APIP: variants seen among roughly 807,000 people sequenced by gnomAD.
APIP encodes APAF1 interacting protein, also known as methylthioribulose-1-phosphate dehydratase.
A neutral mutation model predicts 32.0 loss-of-function variants in APIP; 32 were observed. The observed-to-expected ratio is 1.00, with a 90% CI of 0.76 to 1.34. APIP has a LOEUF of 1.34. Among genes scored for constraint, APIP ranks in the 40% most tolerant of loss-of-function variants. APIP has a pLI of 0.00. For synonymous variants in APIP, 92 were observed against 94.8 expected (o/e 0.97, Z 0.17); for missense variants, 247 against 298.6 (o/e 0.83, Z 1.27).
chr11:34,916,064 C>T (rs1327525531), intron 1 of APIP, 164 bp downstream of exon 1: 1 of 926,004 alleles, frequency 1.1e-6, no homozygotes, highest in Non-Finnish European at 1.6e-6. Context: ...AGCCTTGCTT[C>T]CGAACGCCAA....
chr11:34,883,569 T>C (rs529130188), intron 5 of APIP, 65 bp from the exon 6 acceptor site: 52 of 1,511,084 alleles, frequency 3.4e-5, no homozygotes, highest in Non-Finnish European at 4.2e-5. Flanking sequence ...GTATACAACA[T>C]GTAATTTTTT....
intron 1 of APIP, among the ~76,000 whole-genome samples, chr11:34,908,472 T>C (rs942131868): frequency 5.9e-5 from 9 of 152,212 alleles, no homozygotes; most frequent in African/African-American, 2.2e-4. Flanking sequence ...TCTCTATGCA[T>C]CTTGGTTTTC....
intron 3 of APIP, 147 bp from the exon 4 acceptor site, chr11:34,889,016 A>G: frequency 2.6e-6 from 1 of 389,766 alleles, no homozygotes; most frequent in Non-Finnish European, 4.5e-6. Context: ...ATACATATAC[A>G]TAGAGTGCTA....
intron 1 of APIP, among the ~76,000 whole-genome samples, chr11:34,912,645 G>A (rs1451500718): frequency 1.3e-5 from 2 of 152,184 alleles, no homozygotes; most frequent in African/African-American, 2.4e-5. Context: ...CAAGCAGGCA[G>A]AAAAATGTGA....
Position 34,916,044 on chromosome 11 carries a change from G to T in APIP, c.57+184C>A. 5.4e-6 allele frequency: 4 copies of T among 743,196 alleles called. 1 individual carries two copies. In the South Asian group the frequency reaches 7.5e-5, roughly 14 times the overall value. 46.0% of individuals were successfully genotyped at this position (743,196 alleles called of 1,614,324 possible). On this transcript the variant is annotated intron_variant, in intron 1 of 6. Coordinates refer to ENST00000395787, the MANE Select transcript of APIP (RefSeq NM_015957.4). ...CCCCGCCCGAGACCACTGATCTCCT[G>T]GGGCCTCGCAGCCTTGCTTCCGAAC...
chr11:34,904,968 T>C (rs1435969968), intron 1 of APIP, among the ~76,000 whole-genome samples: 1 of 152,224 alleles, frequency 6.6e-6, no homozygotes, highest in Non-Finnish European at 1.5e-5. Context: ...TCTTGCCATT[T>C]CCACCTCTCC....
At chr11:34,902,350 A>C (rs1005535839) in intron 1 of APIP, among the ~76,000 whole-genome samples, 2 of 152,192 alleles carry the variant, frequency 1.3e-5, no homozygotes, top group Non-Finnish European at 2.9e-5. Context: ...AGTTGATGAT[A>C]TTCTGCTCTG....
Position 34,905,572 on chromosome 11 carries a change from C to T in APIP, c.58-10462G>A, listed in dbSNP as rs958639975. On this transcript the variant is annotated intron_variant, in intron 1 of 6. Coordinates refer to ENST00000395787, the MANE Select transcript of APIP (RefSeq NM_015957.4). ...ATGCCTCTCTCTGCTTTAAAAGCAG[C>T]GAGGAAGGACCATGCTTGGGAGATC... 4.6e-5 allele frequency among the ~76,000 whole-genome samples: 7 copies of T among 152,234 alleles called. No individual in the cohort carries two copies. In the East Asian group the frequency reaches 5.8e-4, roughly 13 times the overall value.
chr11:34,893,632 C>T (rs1222024354), intron 2 of APIP, among the ~76,000 whole-genome samples: 2 of 152,188 alleles, frequency 1.3e-5, no homozygotes, highest in African/African-American at 2.4e-5. Context: ...ATTTATTGAT[C>T]TACCATATGG....
intron 5 of APIP, among the ~76,000 whole-genome samples, chr11:34,884,860 G>A (rs1853035373): frequency 6.6e-6 from 1 of 151,976 alleles, no homozygotes; most frequent in Non-Finnish European, 1.5e-5. Flanking sequence ...ATTTTCAGGA[G>A]CAAAATAATT....
intron 1 of APIP, among the ~76,000 whole-genome samples, chr11:34,896,403 T>G (rs1853271827): frequency 6.6e-6 from 1 of 152,160 alleles, no homozygotes; most frequent in Non-Finnish European, 1.5e-5. Context: ...TAAAAAAGGA[T>G]GAGCTCACGT....
intron 1 of APIP, among the ~76,000 whole-genome samples, chr11:34,897,393 A>T (rs2133913298): frequency 6.6e-6 from 1 of 152,380 alleles, no homozygotes; most frequent in East Asian, 1.9e-4. Context: ...AATGGACATA[A>T]TGCAGTCAGC....
intron 1 of APIP, among the ~76,000 whole-genome samples, chr11:34,902,503 A>ACTAAT (rs1202696554): frequency 1.7e-3 from 256 of 152,292 alleles, no homozygotes; most frequent in African/African-American, 5.6e-3. Context: ...GTCCAAGGGG[A>ACTAAT]CCAGAGTATT....
intron 3 of APIP, among the ~76,000 whole-genome samples, 195 bp downstream of exon 3, chr11:34,890,309 T>G (rs1853164488): frequency 6.6e-6 from 1 of 152,152 alleles, no homozygotes; most frequent in African/African-American, 2.4e-5. Flanking sequence ...TGAATGAGAT[T>G]TCAAAACATA....
At chr11:34,901,568 T>C (rs762432134) in intron 1 of APIP, among the ~76,000 whole-genome samples, 3 of 152,168 alleles carry the variant, frequency 2.0e-5, no homozygotes, top group Non-Finnish European at 4.4e-5. Flanking sequence ...AGTATGACTA[T>C]AAGGGGTGTC....
chr11:34,912,073 A>G (rs915301620), intron 1 of APIP, among the ~76,000 whole-genome samples: 5 of 152,138 alleles, frequency 3.3e-5, no homozygotes, highest in Admixed American at 6.5e-5. Context: ...TGTTAGAAAA[A>G]ATCAGTTCAA....
At chr11:34,910,429 A>G (rs899899189) in intron 1 of APIP, among the ~76,000 whole-genome samples, 1 of 152,224 alleles carries the variant, frequency 6.6e-6, no homozygotes, top group African/African-American at 2.4e-5. Flanking sequence ...AAAAGAAGGG[A>G]AAAACTGGTT....
At chr11:34,913,042 T>C (rs946401790) in intron 1 of APIP, among the ~76,000 whole-genome samples, 7 of 152,144 alleles carry the variant, frequency 4.6e-5, no homozygotes, top group African/African-American at 1.7e-4. Flanking sequence ...TTGACTTCTT[T>C]TCTCACTACA....
chr11:34,905,266 T>C (rs904994559), intron 1 of APIP, among the ~76,000 whole-genome samples: 3 of 150,790 alleles, frequency 2.0e-5, no homozygotes, highest in Admixed American at 6.7e-5. Flanking sequence ...TCACACCCTT[T>C]AGCTCCTGCA....
Sources: gnomAD v4.1 joint callset for allele counts (sites outside exome capture counted in the v4.1 genomes callset) on GRCh38, gnomAD v4.1.1 for gene constraint, MANE v1.5 for transcripts, NCBI Gene and HGNC (gene_info 2026-07-23, HGNC 2026-07-21) for gene names.